ASIC2: variants seen among roughly 807,000 people sequenced by gnomAD.
The protein encoded by ASIC2 is acid sensing ion channel subunit 2, also known as acid-sensing ion channel 2.
A neutral mutation model predicts 57.3 loss-of-function variants in ASIC2; 25 were observed. The observed-to-expected ratio is 0.44, with a 90% CI of 0.32 to 0.61. ASIC2 has a LOEUF of 0.61. Ranked by LOEUF, ASIC2 falls within the 20% of genes least tolerant of loss-of-function variation. The pLI, the probability that ASIC2 is intolerant of heterozygous loss-of-function variation, is 0.06. For synonymous variants in ASIC2, 319 were observed against 307.5 expected (o/e 1.04, Z -0.39); for missense variants, 641 against 738.1 (o/e 0.87, Z 1.52).
chr17:33,732,729 C>T (rs1026187574), intron 1 of ASIC2, among the ~76,000 whole-genome samples: 19 of 152,076 alleles, frequency 1.2e-4, no homozygotes, highest in Non-Finnish European at 2.6e-4. Flanking sequence ...CCTCTGCCTC[C>T]TGGGTTCAAG....
intron 1 of ASIC2, among the ~76,000 whole-genome samples, chr17:33,492,608 A>C (rs1164321320): frequency 1.3e-5 from 2 of 152,130 alleles, no homozygotes; most frequent in Admixed American, 6.5e-5. Context: ...CCTTTGCCCC[A>C]TTTAAAACAG....
rs182324426 is a variant in ASIC2, at chr17:34,030,174, T to C, written c.555+125804A>G. On this transcript the variant is annotated intron_variant, in intron 1 of 9. Transcript: ENST00000359872. ...GAGGGTTTCTAGTGAATGTGTTGCA[T>C]ATAAGCCCAAGAAAGAGTGCACACT... Among the ~76,000 whole-genome samples the C allele has an allele frequency of 7.5e-4, 115 of 152,336 alleles. 1 individual carries two copies. Among genetic ancestry groups the C allele is most frequent in the Non-Finnish European group, 2.8e-4 (19 of 68,032 alleles).
intron 1 of ASIC2, among the ~76,000 whole-genome samples, chr17:33,119,500 C>G (rs904036739): frequency 6.6e-6 from 1 of 152,158 alleles, no homozygotes; most frequent in African/African-American, 2.4e-5. Flanking sequence ...CAAAATGAAC[C>G]TGGCTCTTGT....
At chr17:33,857,631 G>T (rs980257137) in intron 1 of ASIC2, among the ~76,000 whole-genome samples, 11 of 152,196 alleles carry the variant, frequency 7.2e-5, no homozygotes, top group African/African-American at 2.4e-4. Context: ...AAACGTCAAA[G>T]CTCAGAGAGG....
intron 1 of ASIC2, among the ~76,000 whole-genome samples, chr17:33,218,160 T>C (rs1435652914): frequency 6.6e-6 from 1 of 152,232 alleles, no homozygotes; most frequent in African/African-American, 2.4e-5. Context: ...GGCACAGAAC[T>C]GTGGGCTGTG....
At chr17:33,500,599 C>T (rs1295655313) in intron 1 of ASIC2, among the ~76,000 whole-genome samples, 1 of 152,132 alleles carries the variant, frequency 6.6e-6, no homozygotes, top group African/African-American at 2.4e-5. Flanking sequence ...CCTTGGATTC[C>T]CCAGTTACGT....
At chr17:33,857,828 T>G (rs1301538524) in intron 1 of ASIC2, among the ~76,000 whole-genome samples, 1 of 152,210 alleles carries the variant, frequency 6.6e-6, no homozygotes, top group Non-Finnish European at 1.5e-5. Flanking sequence ...GGAAGAAAAG[T>G]AACTAATTCA....
chr17:33,416,576 C>G (rs1481304818), intron 1 of ASIC2, among the ~76,000 whole-genome samples: 1 of 152,196 alleles, frequency 6.6e-6, no homozygotes, highest in Non-Finnish European at 1.5e-5. Flanking sequence ...AGGTGCTTGT[C>G]TGTGCACCCA....
chr17:33,933,083 T>C (rs1915980729), intron 1 of ASIC2, among the ~76,000 whole-genome samples: 1 of 152,178 alleles, frequency 6.6e-6, no homozygotes, highest in South Asian at 2.1e-4. Flanking sequence ...CACCCTCGTA[T>C]GTCTCCTGGA....
chr17:33,055,006 T>G (rs183455080), intron 3 of ASIC2, among the ~76,000 whole-genome samples: 124 of 152,214 alleles, frequency 8.1e-4, no homozygotes, highest in Non-Finnish European at 1.6e-3. Flanking sequence ...ACTCAGCCCA[T>G]GTCAGCTCCT....
At chr17:33,940,500 C>T (rs1567762936) in intron 1 of ASIC2, among the ~76,000 whole-genome samples, 1 of 151,990 alleles carries the variant, frequency 6.6e-6, no homozygotes, top group African/African-American at 2.4e-5. Flanking sequence ...ATACATAACC[C>T]CCTCCCTCCC....
intron 1 of ASIC2, among the ~76,000 whole-genome samples, chr17:34,082,588 G>GA (rs1909929565): frequency 6.6e-6 from 1 of 152,148 alleles, no homozygotes; most frequent in Non-Finnish European, 1.5e-5. Context: ...AAATGCGGGG[G>GA]AGTCCCCAGT....
intron 1 of ASIC2, among the ~76,000 whole-genome samples, chr17:33,251,082 T>C (rs2041302970): frequency 6.6e-6 from 1 of 152,218 alleles, no homozygotes. Context: ...ACTTAGTATT[T>C]GTAGTAAATT....
intron 1 of ASIC2, among the ~76,000 whole-genome samples, chr17:33,191,536 G>T (rs1327202963): frequency 2.6e-5 from 4 of 151,324 alleles, no homozygotes; most frequent in African/African-American, 7.3e-5. Context: ...GAAGAAGAAG[G>T]GATAGAAGGA....
chr17:33,249,287 G>C (rs1206868618), intron 1 of ASIC2, among the ~76,000 whole-genome samples: 1 of 152,142 alleles, frequency 6.6e-6, no homozygotes, highest in Admixed American at 6.5e-5. Flanking sequence ...GGCGTGGTGA[G>C]ATGTCTAAAC....
intron 1 of ASIC2, among the ~76,000 whole-genome samples, chr17:33,985,339 T>C (rs1461325319): frequency 6.6e-6 from 1 of 152,204 alleles, no homozygotes; most frequent in Non-Finnish European, 1.5e-5. Flanking sequence ...TCTCAACATG[T>C]ATCCCATAGA....
intron 1 of ASIC2, among the ~76,000 whole-genome samples, chr17:33,161,706 T>C (rs1241571231): frequency 6.6e-6 from 1 of 152,198 alleles, no homozygotes; most frequent in Non-Finnish European, 1.5e-5. Context: ...AAATATCTTT[T>C]ACCATCTGAT....
chr17:33,035,327 C>G (rs1024815488), intron 3 of ASIC2, among the ~76,000 whole-genome samples: 5 of 151,956 alleles, frequency 3.3e-5, no homozygotes, highest in African/African-American at 1.2e-4. Context: ...GTTTATTTTT[C>G]TTTTCCTGTT....
chr17:33,595,114 T>C (rs895561635), intron 1 of ASIC2, among the ~76,000 whole-genome samples: 1 of 151,748 alleles, frequency 6.6e-6, no homozygotes, highest in African/African-American at 2.4e-5. Context: ...TGGTTCCACC[T>C]ACATGGGAGG....
Sources: gnomAD v4.1 joint callset for allele counts (sites outside exome capture counted in the v4.1 genomes callset) on GRCh38, gnomAD v4.1.1 for gene constraint, MANE v1.5 for transcripts, NCBI Gene and HGNC (gene_info 2026-07-23, HGNC 2026-07-21) for gene names.